The following WDR47 variants were observed in gnomAD, a reference collection of about 807,000 sequenced individuals.
WDR47 encodes the protein WD repeat domain 47.
WDR47 carries 32 observed loss-of-function variants against 97.2 expected under a neutral mutation model. That is an observed-to-expected ratio of 0.33 (90% CI 0.25 to 0.44). The LOEUF (loss-of-function observed/expected upper bound fraction) is 0.44, where lower values mean the gene tolerates loss of function less well. Among genes scored for constraint, WDR47 ranks in the 20% least tolerant of loss-of-function variants. The pLI is 1.00. For synonymous variants in WDR47, 375 were observed against 373.5 expected, an observed-to-expected ratio of 1.00 and a Z score of -0.05; for missense variants, 782 against 1,102.3, an observed-to-expected ratio of 0.71 and a Z score of 4.11.
At chr1:109,033,076 A>ACT (rs1662710007) in intron 1 of WDR47, among the ~76,000 whole-genome samples, 1 of 151,048 alleles carries the variant, frequency 6.6e-6, no homozygotes, top group Non-Finnish European at 1.5e-5. Context: ...CAGGTGGATC[A>ACT]TGAGGTCAGG....
At chr1:108,979,919 C>T (rs1054739852) in intron 13 of WDR47, among the ~76,000 whole-genome samples, 2 of 152,168 alleles carry the variant, frequency 1.3e-5, no homozygotes, top group African/African-American at 4.8e-5. Context: ...CCGGGCCACA[C>T]AGCACGAGGT....
intron 2 of WDR47, 106 bp from the exon 3 acceptor site, chr1:109,017,707 T>G: frequency 1.2e-6 from 1 of 845,612 alleles, no homozygotes; most frequent in Non-Finnish European, 1.9e-6. Flanking sequence ...AAGCACACAA[T>G]GAGATTAACA....
intron 5 of WDR47, 94 bp downstream of exon 5, chr1:109,010,822 T>C (rs1381086008): frequency 1.4e-5 from 17 of 1,215,648 alleles, no homozygotes; most frequent in Non-Finnish European, 2.0e-5. Flanking sequence ...GACCTTGTGA[T>C]CCACCCACCT....
intron 3 of WDR47, among the ~76,000 whole-genome samples, chr1:109,015,100 G>C (rs1034229396): frequency 2.0e-5 from 3 of 152,124 alleles, no homozygotes; most frequent in Admixed American, 1.3e-4. Flanking sequence ...AGTGTACCAG[G>C]TAAAGGCAGG....
chr1:109,035,374 AG>A (rs1226145197), intron 1 of WDR47, among the ~76,000 whole-genome samples: 7 of 152,060 alleles, frequency 4.6e-5, no homozygotes, highest in Admixed American at 1.3e-4. Flanking sequence ...GGAGAAGAAA[AG>A]GGTTGAAGGA....
intron 1 of WDR47, among the ~76,000 whole-genome samples, chr1:109,037,292 A>G (rs501143): frequency 0.98 from 148,519 of 150,880 alleles, 73,151 homozygotes; most frequent in Middle Eastern, 1. Flanking sequence ...TCACGCCATC[A>G]CACTCCAGCC....
chr1:108,994,555 G>C (rs756089773), intron 8 of WDR47, among the ~76,000 whole-genome samples: 5 of 152,016 alleles, frequency 3.3e-5, no homozygotes, highest in Non-Finnish European at 5.9e-5. Context: ...ACCAGCCTAG[G>C]CAACATAGTG....
intron 8 of WDR47, chr1:108,992,685 G>A (rs1024001628): frequency 2.4e-5 from 37 of 1,527,864 alleles, no homozygotes; most frequent in East Asian, 2.0e-4. Context: ...GCTCATGGTC[G>A]GATTAACCCA....
chr1:109,028,916 C>A (rs368992000), intron 1 of WDR47, among the ~76,000 whole-genome samples: 2 of 151,948 alleles, frequency 1.3e-5, no homozygotes, highest in East Asian at 3.9e-4. Context: ...TCCCTTCTGG[C>A]CTCTGGTTAA....
intron 7 of WDR47, among the ~76,000 whole-genome samples, 174 bp from the exon 8 acceptor site, chr1:108,996,011 G>T (rs946715239): frequency 2.0e-5 from 3 of 152,112 alleles, no homozygotes; most frequent in Non-Finnish European, 4.4e-5. Context: ...GATACTGAAA[G>T]AAGATCCACA....
chr1:109,037,733 T>C (rs1283526707), intron 1 of WDR47, among the ~76,000 whole-genome samples: 2 of 151,790 alleles, frequency 1.3e-5, no homozygotes, highest in African/African-American at 2.4e-5. Context: ...TCACAAAACA[T>C]GGTACTTAGC....
intron 1 of WDR47, among the ~76,000 whole-genome samples, chr1:109,037,327 CT>C (rs1335623753): frequency 1.5e-5 from 2 of 131,764 alleles, no homozygotes; most frequent in Non-Finnish European, 3.3e-5. Context: ...AAAACTCCGT[CT>C]AAAAAAAAAA....
intron 2 of WDR47, among the ~76,000 whole-genome samples, chr1:109,020,483 C>T (rs61796970): frequency 1.3e-5 from 2 of 152,026 alleles, no homozygotes; most frequent in African/African-American, 2.4e-5. Context: ...AGGATGGTCT[C>T]GATCTCCTGA....
intron 8 of WDR47, among the ~76,000 whole-genome samples, chr1:108,995,349 G>T (rs919379596): frequency 4.6e-5 from 7 of 152,124 alleles, no homozygotes; most frequent in Non-Finnish European, 7.3e-5. Flanking sequence ...AAATATAATT[G>T]CCTTGGTGGT....
intron 13 of WDR47, 51 bp downstream of exon 13, chr1:108,981,677 ACTAGT>A (rs1293745509): frequency 2.6e-6 from 4 of 1,525,532 alleles, no homozygotes; most frequent in African/African-American, 2.8e-5. Flanking sequence ...GAAGAAGTAG[ACTAGT>A]CTAATTTACA....
intron 1 of WDR47, among the ~76,000 whole-genome samples, chr1:109,039,795 C>T (rs767599607): frequency 2.6e-5 from 4 of 151,858 alleles, no homozygotes; most frequent in Non-Finnish European, 4.4e-5. Context: ...CCCAACATTG[C>T]GAGCCCAAGG....
intron 9 of WDR47, among the ~76,000 whole-genome samples, chr1:108,988,021 A>G (rs1658977207): frequency 6.6e-6 from 1 of 151,486 alleles, no homozygotes; most frequent in African/African-American, 2.4e-5. Context: ...ATATTGCTTG[A>G]GCCCAGGAGT....
intron 5 of WDR47, among the ~76,000 whole-genome samples, chr1:109,007,094 T>C (rs191371455): frequency 1.6e-4 from 24 of 151,970 alleles, no homozygotes; most frequent in Admixed American, 5.9e-4. Flanking sequence ...CACGCCACCA[T>C]GCTTGGCTAA....
chr1:109,004,214 G>A (rs143909836), intron 6 of WDR47, among the ~76,000 whole-genome samples: 5,450 of 151,168 alleles, frequency 0.036, 119 homozygotes, highest in Admixed American at 0.056. Context: ...GCAGTGAGCC[G>A]AGATCGCACC....
Sources: gnomAD v4.1 joint callset for allele counts (sites outside exome capture counted in the v4.1 genomes callset) on GRCh38, gnomAD v4.1.1 for gene constraint, MANE v1.5 for transcripts, NCBI Gene and HGNC (gene_info 2026-07-23, HGNC 2026-07-21) for gene names.